Variants in SNX25 observed in about 807,000 individuals in gnomAD.
The protein encoded by SNX25 is sorting nexin 25.
Under a neutral mutation model 113.7 loss-of-function variants are expected in SNX25, and 62 were observed. The ratio of observed to expected loss-of-function variants is 0.55; its 90% CI spans 0.44 to 0.67. The LOEUF is 0.67. Ranked by LOEUF, SNX25 falls within the 30% of genes least tolerant of loss-of-function variation. The pLI, the probability that SNX25 is intolerant of heterozygous loss-of-function variation, is 0.00. For synonymous variants in SNX25, 421 were observed against 436.2 expected (o/e 0.97, Z 0.43); for missense variants, 1,014 against 1,161.0 (o/e 0.87, Z 1.84).
intron 1 of SNX25, among the ~76,000 whole-genome samples, chr4:185,216,441 T>C (rs894977285): frequency 6.6e-6 from 1 of 151,576 alleles, no homozygotes; most frequent in Non-Finnish European, 1.5e-5. Context: ...GAAGGTACAA[T>C]GCATGATTAA....
At chr4:185,316,284 C>T (rs1579757874) in intron 7 of SNX25, among the ~76,000 whole-genome samples, 1 of 152,154 alleles carries the variant, frequency 6.6e-6, no homozygotes, top group African/African-American at 2.4e-5. Flanking sequence ...ATTAACAAGT[C>T]TCCGAACAAC....
At chr4:185,289,307 T>G (rs571963087) in intron 6 of SNX25, among the ~76,000 whole-genome samples, 116 of 152,294 alleles carry the variant, frequency 7.6e-4, no homozygotes, top group African/African-American at 2.8e-3. Flanking sequence ...ACATGTTCCT[T>G]GGAGAAAAAC....
Position 185,263,973 on chromosome 4 carries a change from C to T in SNX25, c.732-465C>T, listed in dbSNP as rs182079087. On this transcript the variant is annotated intron_variant, in intron 3 of 18. Coordinates refer to ENST00000652585, the MANE Select transcript of SNX25 (RefSeq NM_001378034.2). ...AATTTGCCATCAAATTAGATAACGT[C>T]GAGTTTATAGACCCTCTAGCTCACT... 1.6e-3 allele frequency among the ~76,000 whole-genome samples: 241 copies of T among 152,284 alleles called. 3 individuals carry two copies. The highest frequency in any genetic ancestry group is 7.8e-4 in the Non-Finnish European group (53 of 68,022).
intron 1 of SNX25, among the ~76,000 whole-genome samples, chr4:185,231,743 G>C (rs116291042): frequency 1.1e-4 from 17 of 151,004 alleles, no homozygotes; most frequent in African/African-American, 4.1e-4. Context: ...TTTATTCTTT[G>C]AATGTCAACA....
chr4:185,265,538 G>A (rs957586457), intron 4 of SNX25, among the ~76,000 whole-genome samples: 1 of 149,660 alleles, frequency 6.7e-6, no homozygotes, highest in African/African-American at 2.5e-5. Flanking sequence ...GAGTGAGTGG[G>A]GAGTGACTGT....
chr4:185,278,417 G>A (rs1460454480), intron 5 of SNX25, among the ~76,000 whole-genome samples: 1 of 152,132 alleles, frequency 6.6e-6, no homozygotes, highest in South Asian at 2.1e-4. Context: ...TTTAAACTTC[G>A]AGCCTCAGTT....
chr4:185,213,617 T>A (rs1281534307), intron 1 of SNX25, among the ~76,000 whole-genome samples: 1 of 152,068 alleles, frequency 6.6e-6, no homozygotes, highest in Non-Finnish European at 1.5e-5. Context: ...TCCAAGGTTG[T>A]CTTTCTATCT....
chr4:185,377,720 C>T, the SNX25 span: 2 of 178,696 alleles, frequency 1.1e-5, no homozygotes, highest in Non-Finnish European at 2.3e-5. Flanking sequence ...AATGAGCAAC[C>T]CATCCCTAAT....
chr4:185,319,445 C>T (rs538458403), intron 7 of SNX25, among the ~76,000 whole-genome samples: 7 of 150,184 alleles, frequency 4.7e-5, no homozygotes, highest in Admixed American at 2.7e-4. Flanking sequence ...GTGATCTGCC[C>T]GCCTTGGCCT....
intron 5 of SNX25, among the ~76,000 whole-genome samples, chr4:185,281,969 T>C (rs1750640380): frequency 6.6e-6 from 1 of 151,978 alleles, no homozygotes; most frequent in Non-Finnish European, 1.5e-5. Flanking sequence ...TGAGTCGAGA[T>C]TGCACCATTG....
chr4:185,256,706 A>G (rs920701366), intron 2 of SNX25, among the ~76,000 whole-genome samples: 171 of 148,542 alleles, frequency 1.2e-3, no homozygotes, highest in African/African-American at 3.9e-3. Context: ...ACTCACTGCA[A>G]CCTCCACCTC....
intron 11 of SNX25, among the ~76,000 whole-genome samples, chr4:185,369,533 T>G (rs2095407702): frequency 6.6e-6 from 1 of 152,182 alleles, no homozygotes. Context: ...CATGAACCAC[T>G]GTGCCTGGCC....
intron 1 of SNX25, among the ~76,000 whole-genome samples, chr4:185,217,053 T>C (rs1302391758): frequency 6.6e-6 from 1 of 152,150 alleles, no homozygotes; most frequent in Non-Finnish European, 1.5e-5. Context: ...ATGGTCACTG[T>C]TGGCATTTTC....
At chr4:185,273,659 G>C (rs1387127712) in intron 5 of SNX25, among the ~76,000 whole-genome samples, 1 of 152,158 alleles carries the variant, frequency 6.6e-6, no homozygotes, top group African/African-American at 2.4e-5. Flanking sequence ...GCTTTAACCA[G>C]CATCTTCCAA....
At chr4:185,230,539 T>C (rs2126405106) in intron 1 of SNX25, among the ~76,000 whole-genome samples, 1 of 152,118 alleles carries the variant, frequency 6.6e-6, no homozygotes, top group East Asian at 1.9e-4. Context: ...ATTACAGGCA[T>C]GAGCCAACAC....
intron 12 of SNX25, 60 bp downstream of exon 12, chr4:185,342,176 T>C: frequency 6.9e-7 from 1 of 1,445,894 alleles, no homozygotes; most frequent in Non-Finnish European, 9.1e-7. Context: ...ATTTCAATTT[T>C]ACACATAAGA....
At chr4:185,368,367 T>C (rs1259115223), downstream of SNX25, among the ~76,000 whole-genome samples, 1 of 152,110 alleles carries the variant, frequency 6.6e-6, no homozygotes, top group African/African-American at 2.4e-5. Flanking sequence ...CAGGTCCCAG[T>C]TACCATCTTA....
intron 6 of SNX25, among the ~76,000 whole-genome samples, chr4:185,310,322 G>A (rs190825845): frequency 2.0e-5 from 3 of 152,056 alleles, no homozygotes; most frequent in Non-Finnish European, 4.4e-5. Context: ...GTATTTGTAC[G>A]TACACATTCA....
Position 185,300,292 on chromosome 4 carries a change from G to A in SNX25, c.1163-10343G>A, listed in dbSNP as rs576553742. On this transcript the variant is annotated intron_variant, in intron 6 of 18. Coordinates refer to ENST00000652585, the MANE Select transcript of SNX25 (RefSeq NM_001378034.2). ...TCCTGCCTCATTCTTCCAAGTAGCT[G>A]GGATTACAGGCGCCTGCCCCCACAC... is the stretch of plus-strand genomic sequence containing the variant. Among the ~76,000 whole-genome samples, 9 of 151,572 alleles carry A rather than the reference G, an allele frequency of 5.9e-5. No individual in the cohort carries two copies. The South Asian group carries it at 1.9e-3, about 32-fold the overall frequency.
Sources: gnomAD v4.1 joint callset for allele counts (sites outside exome capture counted in the v4.1 genomes callset) on GRCh38, gnomAD v4.1.1 for gene constraint, MANE v1.5 for transcripts, NCBI Gene and HGNC (gene_info 2026-07-23, HGNC 2026-07-21) for gene names.